The following TOX2 variants were observed in gnomAD, a reference collection of about 807,000 sequenced individuals.
TOX2 encodes TOX high mobility group box family member 2.
In TOX2, 15 loss-of-function variants were observed where a neutral mutation model predicts 47.4. The ratio of observed to expected loss-of-function variants is 0.32; its 90% CI spans 0.21 to 0.49. The LOEUF is 0.49. Ranked by LOEUF, TOX2 falls within the 20% of genes least tolerant of loss-of-function variation. The pLI, the probability that TOX2 is intolerant of heterozygous loss-of-function variation, is 0.99. For synonymous variants in TOX2, 290 were observed against 296.6 expected, an observed-to-expected ratio of 0.98 and a Z score of 0.23; for missense variants, 622 against 673.1, an observed-to-expected ratio of 0.92 and a Z score of 0.84.
intron 3 of TOX2, among the ~76,000 whole-genome samples, chr20:44,048,867 G>A (rs895525718): frequency 2.0e-5 from 3 of 152,184 alleles, no homozygotes; most frequent in African/African-American, 7.2e-5. Context: ...AGGTGTGGTG[G>A]CTCATGCCTA....
intron 2 of TOX2, among the ~76,000 whole-genome samples, chr20:43,990,288 A>T (rs1302428384): frequency 6.6e-6 from 1 of 152,200 alleles, no homozygotes; most frequent in Non-Finnish European, 1.5e-5. Flanking sequence ...TATATTTTTT[A>T]AAAATTTTAC....
At chr20:43,975,380 C>T (rs544704099) in intron 2 of TOX2, among the ~76,000 whole-genome samples, 10 of 152,222 alleles carry the variant, frequency 6.6e-5, no homozygotes, top group Non-Finnish European at 1.2e-4. Flanking sequence ...AAGCCTTTTT[C>T]TCAATGGTTA....
rs534588083 is a variant in TOX2, at chr20:43,925,868, A to G, written c.99+10878A>G. Among the ~76,000 whole-genome samples the G allele has an allele frequency of 7.9e-5, 12 of 152,312 alleles. No homozygotes were observed. The East Asian group carries it at 2.3e-3, about 29-fold the overall frequency. On this transcript the variant is annotated intron_variant, in intron 1 of 8. Transcript: ENST00000341197. ...GAGGTCCAGATGAATCAAGTAACAG[A>G]AGGGTGGCAGAGGGGGCTGTTAGGC... is the stretch of plus-strand genomic sequence containing the variant.
chr20:44,032,986 C>G (rs1163170010), intron 3 of TOX2, among the ~76,000 whole-genome samples: 2 of 152,174 alleles, frequency 1.3e-5, no homozygotes, highest in African/African-American at 4.8e-5. Flanking sequence ...ACTTGGCCTG[C>G]AGGGATAATA....
At chr20:43,937,182 G>C (rs2069337260) in intron 1 of TOX2, among the ~76,000 whole-genome samples, 1 of 152,208 alleles carries the variant, frequency 6.6e-6, no homozygotes, top group Admixed American at 6.5e-5. Context: ...ATTCCAGGCA[G>C]GGAAGAGCAC....
chr20:43,927,511 A>G (rs6103516), intron 1 of TOX2, among the ~76,000 whole-genome samples: 32,062 of 132,526 alleles, frequency 0.24, 5,548 homozygotes, highest in East Asian at 0.49. Flanking sequence ...ACACACACAC[A>G]TCATGAGATA....
rs139338764 is a variant in TOX2, at chr20:43,970,528, T to TGGTATGCTTTATAAAATGTTCGA, written c.100-2839_100-2838insGGTATGCTTTATAAAATGTTCGA. Reference sequence around the variant, plus strand: ...CATATTCCTATACCATACTGTTCGATTACTATTGCTTTATAAAATGTTTCA... The same window carrying TGGTATGCTTTATAAAATGTTCGA: ...CATATTCCTATACCATACTGTTCGATGGTATGCTTTATAAAATGTTCGATACTATTGCTTTATAAAATGTTTCA... On this transcript the variant is annotated intron_variant, in intron 1 of 8. Transcript: ENST00000341197. Among the ~76,000 whole-genome samples the TGGTATGCTTTATAAAATGTTCGA allele has an allele frequency of 4.2e-3, 647 of 152,364 alleles. 6 individuals carry two copies. The highest frequency in any genetic ancestry group is 0.015 in the African/African-American group (607 of 41,590).
chr20:44,018,140 G>A (rs1361901254), intron 3 of TOX2, among the ~76,000 whole-genome samples: 1 of 152,200 alleles, frequency 6.6e-6, no homozygotes, highest in Non-Finnish European at 1.5e-5. Flanking sequence ...CTGAGAGGAA[G>A]AAATTTCATA....
chr20:44,016,433 A>G (rs547373879), intron 3 of TOX2, among the ~76,000 whole-genome samples: 1 of 152,180 alleles, frequency 6.6e-6, no homozygotes, highest in Admixed American at 6.5e-5. Context: ...CTGAAGTAGC[A>G]TCTTAAACCA....
At position 43,984,728 on chromosome 20, in the gene TOX2, A is replaced by G. The variant is rs2070235455; in HGVS notation, c.165+11296A>G. On this transcript the variant is annotated intron_variant, in intron 2 of 8. Coordinates refer to ENST00000341197, the MANE Select transcript of TOX2 (RefSeq NM_001098797.2). Reference sequence around the variant, plus strand: ...AATGCAGTGAATGTTTATGGCATATAGTTTTGTTTCCTTCCAACTATTATG... The same window carrying G: ...AATGCAGTGAATGTTTATGGCATATGGTTTTGTTTCCTTCCAACTATTATG... 2.6e-5 allele frequency among the ~76,000 whole-genome samples: 4 copies of G among 152,146 alleles called. No homozygotes were observed. The South Asian group carries it at 8.3e-4, about 32-fold the overall frequency.
At chr20:44,067,907 G>A (rs1264641290) in intron 8 of TOX2, among the ~76,000 whole-genome samples, 2 of 152,170 alleles carry the variant, frequency 1.3e-5, no homozygotes, top group African/African-American at 2.4e-5. Flanking sequence ...AAGGCACAGC[G>A]CACTTGTCGG....
intron 1 of TOX2, among the ~76,000 whole-genome samples, chr20:43,964,052 T>C (rs1218338979): frequency 6.6e-6 from 1 of 151,606 alleles, no homozygotes; most frequent in East Asian, 1.9e-4. Flanking sequence ...ATGATAGTCA[T>C]ACCCATTTTG....
At chr20:43,982,294 G>A (rs543868384) in intron 2 of TOX2, among the ~76,000 whole-genome samples, 82 of 152,332 alleles carry the variant, frequency 5.4e-4, no homozygotes, top group African/African-American at 2.0e-3. Flanking sequence ...TGGGGCATGG[G>A]AGAATGAGCT....
intron 1 of TOX2, chr20:43,946,050 G>T: frequency 6.2e-7 from 1 of 1,613,234 alleles, no homozygotes; most frequent in Non-Finnish European, 8.5e-7. Context: ...TAAGCAGCGG[G>T]TGCCCACCGC....
intron 5 of TOX2, 50 bp downstream of exon 5, chr20:44,054,576 G>A (rs919237867): frequency 4.5e-6 from 7 of 1,567,784 alleles, no homozygotes; most frequent in Non-Finnish European, 5.2e-6. Context: ...TGTGGTCCTG[G>A]AACCAAGGAC....
intron 2 of TOX2, among the ~76,000 whole-genome samples, chr20:43,987,975 A>G (rs1166379394): frequency 3.8e-5 from 5 of 131,400 alleles, no homozygotes; most frequent in African/African-American, 1.5e-4. Flanking sequence ...GCTGGAGTGC[A>G]GTATCACAAT....
chr20:43,922,439 G>A (rs557537679), intron 1 of TOX2, among the ~76,000 whole-genome samples: 50 of 152,262 alleles, frequency 3.3e-4, no homozygotes, highest in African/African-American at 1.1e-3. Flanking sequence ...GTGGTGAAGC[G>A]AATTGCAGCA....
chr20:44,024,646 T>TG (rs1432439023), intron 3 of TOX2, among the ~76,000 whole-genome samples: 9 of 152,012 alleles, frequency 5.9e-5, no homozygotes, highest in African/African-American at 1.7e-4. Flanking sequence ...ATGTTCACTG[T>TG]GAAAAAAAAA....
intron 1 of TOX2, among the ~76,000 whole-genome samples, chr20:43,948,866 T>C (rs2069512596): frequency 6.6e-6 from 1 of 151,982 alleles, no homozygotes; most frequent in South Asian, 2.1e-4. Flanking sequence ...GAGCCTGGAG[T>C]AGCAATTGGG....
Sources: allele counts gnomAD v4.1 joint callset (sites outside exome capture counted in the v4.1 genomes callset), GRCh38; gene constraint gnomAD v4.1.1; transcripts MANE v1.5; gene names NCBI Gene and HGNC (gene_info 2026-07-23, HGNC 2026-07-21).